CNTNAP2: variants seen among roughly 807,000 people sequenced by gnomAD.
CNTNAP2 encodes the protein contactin associated protein 2.
In CNTNAP2, 98 loss-of-function variants were observed where a neutral mutation model predicts 155.2. The observed-to-expected ratio is 0.63, with a 90% CI of 0.54 to 0.75. CNTNAP2 has a LOEUF of 0.75. Among genes scored for constraint, CNTNAP2 ranks in the 30% least tolerant of loss-of-function variants. The pLI is 0.00. For synonymous variants in CNTNAP2, 651 were observed against 631.2 expected (o/e 1.03, Z -0.47); for missense variants, 1,727 against 1,688.1 (o/e 1.02, Z -0.40).
intron 3 of CNTNAP2, among the ~76,000 whole-genome samples, chr7:146,988,401 A>G (rs1466245806): frequency 1.3e-5 from 2 of 152,086 alleles, no homozygotes; most frequent in East Asian, 3.9e-4. Context: ...TAGCCACTAT[A>G]TAGGTTTTGT....
At chr7:148,217,961 C>G (rs1795676426) in intron 19 of CNTNAP2, among the ~76,000 whole-genome samples, 1 of 152,110 alleles carries the variant, frequency 6.6e-6, no homozygotes, top group South Asian at 2.1e-4. Context: ...CCCATCTCTA[C>G]AAAAAATACA....
chr7:146,538,981 G>A (rs1797911211), intron 1 of CNTNAP2, among the ~76,000 whole-genome samples: 1 of 151,902 alleles, frequency 6.6e-6, no homozygotes, highest in Non-Finnish European at 1.5e-5. Context: ...AATTAACAGG[G>A]GGTAATGAAA....
chr7:148,276,517 C>T (rs1038551929), intron 21 of CNTNAP2, among the ~76,000 whole-genome samples: 3 of 152,208 alleles, frequency 2.0e-5, no homozygotes, highest in Admixed American at 6.5e-5. Context: ...CAGCTTGTCC[C>T]GTGTTTACAC....
At chr7:146,497,821 GTAATT>G (rs1375469868) in intron 1 of CNTNAP2, among the ~76,000 whole-genome samples, 2 of 147,884 alleles carry the variant, frequency 1.4e-5, no homozygotes, top group Non-Finnish European at 3.0e-5. Flanking sequence ...TTATATGTAT[GTAATT>G]TAATATATAA....
chr7:147,106,349 A>G (rs1009162030), intron 4 of CNTNAP2, among the ~76,000 whole-genome samples: 3 of 152,084 alleles, frequency 2.0e-5, no homozygotes, highest in African/African-American at 4.8e-5. Context: ...CACATGAAAA[A>G]GATATTGCCA....
chr7:147,414,891 G>A (rs1237876759), intron 10 of CNTNAP2, among the ~76,000 whole-genome samples: 1 of 133,470 alleles, frequency 7.5e-6, no homozygotes, highest in Non-Finnish European at 1.5e-5. Context: ...GCAGTGAGCC[G>A]AGATCGCGCC....
chr7:147,255,357 G>A (rs899622465), intron 8 of CNTNAP2, among the ~76,000 whole-genome samples: 3 of 152,046 alleles, frequency 2.0e-5, no homozygotes, highest in Non-Finnish European at 2.9e-5. Context: ...AATTAGATGG[G>A]ACTACAGGTG....
At chr7:148,161,808 G>A (rs1805549431) in intron 17 of CNTNAP2, among the ~76,000 whole-genome samples, 1 of 152,174 alleles carries the variant, frequency 6.6e-6, no homozygotes. Context: ...TGCCCTCCTT[G>A]AAATCTTGAC....
intron 1 of CNTNAP2, among the ~76,000 whole-genome samples, chr7:146,297,336 A>G (rs1454919934): frequency 2.6e-5 from 4 of 152,076 alleles, no homozygotes; most frequent in African/African-American, 9.7e-5. Flanking sequence ...GTTTTATTGA[A>G]CTAATAATCT....
At chr7:147,065,155 G>A (rs1239398693) in intron 4 of CNTNAP2, among the ~76,000 whole-genome samples, 1 of 152,114 alleles carries the variant, frequency 6.6e-6, no homozygotes, top group Non-Finnish European at 1.5e-5. Context: ...GAAGCCTTAA[G>A]CAAGTCATTG....
intron 12 of CNTNAP2, among the ~76,000 whole-genome samples, chr7:147,591,184 A>G (rs1407484267): frequency 6.6e-6 from 1 of 152,180 alleles, no homozygotes; most frequent in Non-Finnish European, 1.5e-5. Flanking sequence ...TAGTATCTGT[A>G]TTAGTTTCCT....
intron 9 of CNTNAP2, among the ~76,000 whole-genome samples, chr7:147,348,227 A>ACAGAATGG (rs1297045978): frequency 1.3e-5 from 2 of 152,094 alleles, no homozygotes; most frequent in Non-Finnish European, 2.9e-5. Flanking sequence ...GTAAAAGCCT[A>ACAGAATGG]CAGAATGGAA....
At chr7:147,791,328 T>A (rs1797814968) in intron 13 of CNTNAP2, among the ~76,000 whole-genome samples, 1 of 152,140 alleles carries the variant, frequency 6.6e-6, no homozygotes, top group Non-Finnish European at 1.5e-5. Flanking sequence ...CCTGGGAGCT[T>A]CTAGACCTTC....
At chr7:146,469,518 CTTTTTTTTTTT>C (rs544057518) in intron 1 of CNTNAP2, among the ~76,000 whole-genome samples, 1 of 129,062 alleles carries the variant, frequency 7.7e-6, no homozygotes, top group Non-Finnish European at 1.6e-5. Context: ...TAATAATTGA[CTTTTTTTTTTT>C]TTTTTTTTTT....
At chr7:146,227,891 T>A (rs1426490097) in intron 1 of CNTNAP2, among the ~76,000 whole-genome samples, 1 of 152,206 alleles carries the variant, frequency 6.6e-6, no homozygotes, top group African/African-American at 2.4e-5. Flanking sequence ...TGTGGGAACA[T>A]TCGGTCTCAA....
chr7:146,266,887 T>A (rs1201937204), intron 1 of CNTNAP2, among the ~76,000 whole-genome samples: 2 of 92,564 alleles, frequency 2.2e-5, no homozygotes, highest in Non-Finnish European at 3.5e-5. Flanking sequence ...CATTGCTGAA[T>A]TTTTTTTTTT....
chr7:146,421,757 T>A (rs1421323765), intron 1 of CNTNAP2, among the ~76,000 whole-genome samples: 2 of 151,950 alleles, frequency 1.3e-5, no homozygotes, highest in African/African-American at 4.8e-5. Flanking sequence ...TAAGATAACA[T>A]ATACTGAGTC....
chr7:147,511,206 CCTT>C (rs1200852007), intron 11 of CNTNAP2, among the ~76,000 whole-genome samples: 1 of 151,924 alleles, frequency 6.6e-6, no homozygotes, highest in Admixed American at 6.6e-5. Context: ...CCTCTGGCTA[CCTT>C]TATTATGTCA....
intron 9 of CNTNAP2, among the ~76,000 whole-genome samples, chr7:147,331,564 G>A (rs1032890532): frequency 6.6e-5 from 10 of 151,984 alleles, no homozygotes; most frequent in African/African-American, 2.4e-4. Context: ...CAACCAAGCA[G>A]TGAGGGACAG....
Sources: gnomAD v4.1 joint callset for allele counts (sites outside exome capture counted in the v4.1 genomes callset) on GRCh38, gnomAD v4.1.1 for gene constraint, MANE v1.5 for transcripts, NCBI Gene and HGNC (gene_info 2026-07-23, HGNC 2026-07-21) for gene names.